The following PLA2G7 variants were observed in gnomAD, a reference collection of about 807,000 sequenced individuals.
The protein encoded by PLA2G7 is phospholipase A2 group VII.
In PLA2G7, 63 loss-of-function variants were observed where a neutral mutation model predicts 49.6. The ratio of observed to expected loss-of-function variants is 1.27; its 90% CI spans 1.04 to 1.57. The LOEUF (loss-of-function observed/expected upper bound fraction) is 1.57. PLA2G7 is among the 40% of genes most tolerant of loss of function. PLA2G7 has a pLI of 0.00. For missense variants in PLA2G7, 596 were observed against 521.2 expected, an observed-to-expected ratio of 1.14 and a Z score of -1.40; for synonymous variants, 193 against 169.9, an observed-to-expected ratio of 1.14 and a Z score of -1.06.
At chr6:46,705,932 T>C (rs907352790) in intron 10 of PLA2G7, among the ~76,000 whole-genome samples, 4 of 152,184 alleles carry the variant, frequency 2.6e-5, no homozygotes, top group African/African-American at 7.2e-5. Context: ...TTACGTTTCC[T>C]TAACATTGCA....
At chr6:46,721,362 A>G (rs1356337886) in intron 2 of PLA2G7, among the ~76,000 whole-genome samples, 1 of 152,022 alleles carries the variant, frequency 6.6e-6, no homozygotes, top group Non-Finnish European at 1.5e-5. Flanking sequence ...TTCATTTTTG[A>G]ACATTTAGAA....
intron 10 of PLA2G7, among the ~76,000 whole-genome samples, chr6:46,707,036 G>C (rs1001849392): frequency 1.3e-5 from 2 of 152,112 alleles, no homozygotes; most frequent in Non-Finnish European, 2.9e-5. Flanking sequence ...GATAGGAAAG[G>C]GGTGAGTTCA....
At chr6:46,709,748 C>T (rs1764949658) in intron 8 of PLA2G7, among the ~76,000 whole-genome samples, 1 of 152,142 alleles carries the variant, frequency 6.6e-6, no homozygotes, top group Non-Finnish European at 1.5e-5. Context: ...TTGTTCATTC[C>T]ATGAGTATTT....
chr6:46,711,477 TC>T lies in PLA2G7; in HGVS notation c.663+18del. 6.2e-7 allele frequency: 1 copy of T among 1,613,184 alleles called. No homozygotes were observed. Among genetic ancestry groups the T allele is most frequent in the African/African-American group, 1.3e-5 (1 of 74,996 alleles). ...ATGCTTTTAGGTCACCAACCACCTC[TC>T]CTTTCACTGCAATGTACCTGCTCAT... On this transcript the variant is annotated intron_variant, in intron 7 of 11. Transcript: ENST00000274793.
At chr6:46,731,376 A>T (rs977225876) in intron 1 of PLA2G7, among the ~76,000 whole-genome samples, 1 of 152,214 alleles carries the variant, frequency 6.6e-6, no homozygotes, top group African/African-American at 2.4e-5. Flanking sequence ...GTTATCTACA[A>T]ATCTTTGCAC....
intron 1 of PLA2G7, among the ~76,000 whole-genome samples, chr6:46,731,747 G>A (rs1339965600): frequency 6.6e-6 from 1 of 152,134 alleles, no homozygotes; most frequent in East Asian, 1.9e-4. Flanking sequence ...TGGTAATAAT[G>A]TCTTACATTA....
chr6:46,716,892 G>T, intron 3 of PLA2G7, 83 bp downstream of exon 3: 1 of 1,391,858 alleles, frequency 7.2e-7, no homozygotes, highest in Non-Finnish European at 1.0e-6. Flanking sequence ...TGAGGGCAAG[G>T]TCACATTTGA....
At position 46,735,280 on chromosome 6, in the gene PLA2G7, C is replaced by A. The variant is rs200433133; in HGVS notation, c.-135G>T. 1.3e-5 allele frequency: 2 copies of A among 152,292 alleles called. No homozygotes were observed. The highest frequency in any genetic ancestry group is 2.9e-5 in the Non-Finnish European group (2 of 68,086). The allele number at this position is 152,292 out of a possible 1,614,324, so 9.4% of individuals were successfully genotyped here. ...CGCTCCAAACCCGACTGCTTCTCGC[C>A]GACAGCACTGCGAGCCTCCGACCAG... On this transcript the variant is annotated 5_prime_UTR_variant, in exon 1 of 12. Coordinates refer to ENST00000274793, the MANE Select transcript of PLA2G7 (RefSeq NM_005084.4).
At chr6:46,711,409 T>A in intron 7 of PLA2G7, 87 bp downstream of exon 7, 1 of 1,424,264 alleles carries the variant, frequency 7.0e-7, no homozygotes, top group South Asian at 1.2e-5. Context: ...GAGCATAACT[T>A]GCCAGGTGTA....
At chr6:46,706,248 C>T (rs1173118536) in intron 10 of PLA2G7, among the ~76,000 whole-genome samples, 1 of 152,158 alleles carries the variant, frequency 6.6e-6, no homozygotes, top group South Asian at 2.1e-4. Flanking sequence ...TTATAAGCAA[C>T]CCATCATTCT....
intron 11 of PLA2G7, 129 bp from the exon 12 acceptor site, chr6:46,704,825 T>C (rs1764752078): frequency 3.0e-6 from 2 of 666,582 alleles, no homozygotes; most frequent in South Asian, 1.9e-5. Context: ...CGATGTGCTC[T>C]GTATCAGCTG....
chr6:46,715,472 A>G (rs2150700023), intron 4 of PLA2G7, among the ~76,000 whole-genome samples: 1 of 152,334 alleles, frequency 6.6e-6, no homozygotes, highest in Non-Finnish European at 1.5e-5. Flanking sequence ...TAGGTAATAT[A>G]TGTAAAGCAG....
At chr6:46,716,341 A>T (rs775984119) in intron 4 of PLA2G7, 43 bp downstream of exon 4, 2 of 1,607,180 alleles carry the variant, frequency 1.2e-6, no homozygotes, top group South Asian at 2.2e-5. Flanking sequence ...CAAGGTTTTC[A>T]TACATGCAAG....
chr6:46,731,602 G>A (rs542731534), intron 1 of PLA2G7, among the ~76,000 whole-genome samples: 19 of 152,006 alleles, frequency 1.2e-4, no homozygotes, highest in East Asian at 9.7e-4. Flanking sequence ...CCAGTTCTCC[G>A]AACAGAGAAA....
intron 4 of PLA2G7, among the ~76,000 whole-genome samples, chr6:46,716,099 T>C (rs1207799881): frequency 6.6e-6 from 1 of 152,184 alleles, no homozygotes; most frequent in African/African-American, 2.4e-5. Context: ...ACCACGGTAT[T>C]GCCTTCTCCA....
Position 46,704,394 on chromosome 6 carries a change from A to G in PLA2G7, c.*166T>C, listed in dbSNP as rs1764712276. On this transcript the variant is annotated 3_prime_UTR_variant, in exon 12 of 12. Transcript: ENST00000274793. ...TCCAAGCTTCAATCACGATTACAGT[A>G]TAGCCTACATTTTAAAATATGAGTC... 1.6e-6 allele frequency: 1 copy of G among 622,830 alleles called. No individual in the cohort carries two copies. Among genetic ancestry groups the G allele is most frequent in the East Asian group, 2.8e-5 (1 of 35,114 alleles). 38.6% of individuals were successfully genotyped at this position (622,830 alleles called of 1,614,324 possible).
At chr6:46,715,285 T>C (rs1426895685) in intron 4 of PLA2G7, among the ~76,000 whole-genome samples, 4 of 152,324 alleles carry the variant, frequency 2.6e-5, no homozygotes, top group Admixed American at 6.5e-5. Flanking sequence ...GTCATAATCA[T>C]GCAGGAAAAG....
At chr6:46,731,142 G>T (rs1765722887) in intron 1 of PLA2G7, among the ~76,000 whole-genome samples, 2 of 152,188 alleles carry the variant, frequency 1.3e-5, no homozygotes, top group South Asian at 4.1e-4. Flanking sequence ...AAGAGAAATA[G>T]AGTTGCCTTA....
rs1765016575 is a variant in PLA2G7 at position 46,711,440 on chromosome 6, A to G, written c.663+56T>C. On this transcript the variant is annotated intron_variant, in intron 7 of 11. Transcript: ENST00000274793. ...GTGTAAAATTAAATTAACAAATGTC[A>G]TCCTTTTGTACATGCTTTTAGGTCA... 7 of 1,593,906 alleles carry G rather than the reference A, an allele frequency of 4.4e-6. No homozygotes were observed. In the Admixed American group the frequency reaches 1.0e-4, roughly 23 times the overall value.
Sources: allele counts gnomAD v4.1 joint callset (sites outside exome capture counted in the v4.1 genomes callset), GRCh38; gene constraint gnomAD v4.1.1; transcripts MANE v1.5; gene names NCBI Gene and HGNC (gene_info 2026-07-23, HGNC 2026-07-21).